The following RSRC1 variants were observed in gnomAD, a reference collection of about 807,000 sequenced individuals.
The protein encoded by RSRC1 is serine/Arginine-related protein 53.
RSRC1 carries 39 observed loss-of-function variants against 49.1 expected under a neutral mutation model. The observed-to-expected ratio is 0.79, with a 90% CI of 0.61 to 1.04. The LOEUF (loss-of-function observed/expected upper bound fraction) is 1.04. Among genes scored for constraint, RSRC1 ranks in the 50% least tolerant of loss-of-function variants. The pLI is 0.00. For missense variants in RSRC1, 388 were observed against 402.4 expected, an observed-to-expected ratio of 0.96 and a Z score of 0.31; for synonymous variants, 143 against 130.8, an observed-to-expected ratio of 1.09 and a Z score of -0.63.
chr3:158,543,555 C>A (rs1576618896), intron 9 of RSRC1, 68 bp downstream of exon 9: 2 of 1,481,320 alleles, frequency 1.4e-6, no homozygotes, highest in Non-Finnish European at 1.8e-6. Flanking sequence ...AATCTGTTAT[C>A]CTTTTGTGCT....
intron 3 of RSRC1, among the ~76,000 whole-genome samples, chr3:158,129,126 A>G (rs935383671): frequency 1.3e-5 from 2 of 148,850 alleles, no homozygotes; most frequent in African/African-American, 4.9e-5. Context: ...CATCTCCTCA[A>G]CCTTTCACTT....
At chr3:158,523,678 A>G (rs1711836043) in intron 7 of RSRC1, among the ~76,000 whole-genome samples, 1 of 151,996 alleles carries the variant, frequency 6.6e-6, no homozygotes, top group African/African-American at 2.4e-5. Flanking sequence ...ATTAGGAAAC[A>G]AAAAGAAGTC....
intron 7 of RSRC1, among the ~76,000 whole-genome samples, chr3:158,516,137 G>C (rs1413060721): frequency 6.6e-6 from 1 of 152,218 alleles, no homozygotes; most frequent in Non-Finnish European, 1.5e-5. Flanking sequence ...TCCATTGCTG[G>C]TGAGGAACTG....
intron 6 of RSRC1, among the ~76,000 whole-genome samples, chr3:158,446,088 G>T (rs1175361683): frequency 2.0e-5 from 3 of 151,956 alleles, no homozygotes; most frequent in Non-Finnish European, 4.4e-5. Context: ...CAACAAAATA[G>T]ATGATAAAAT....
chr3:158,387,656 C>T (rs1261390455), intron 6 of RSRC1, among the ~76,000 whole-genome samples: 1 of 152,028 alleles, frequency 6.6e-6, no homozygotes, highest in East Asian at 1.9e-4. Flanking sequence ...ACTGTAAATC[C>T]TTACAAGTAT....
chr3:158,253,501 C>G (rs751263584), intron 4 of RSRC1, among the ~76,000 whole-genome samples: 2 of 151,904 alleles, frequency 1.3e-5, no homozygotes, highest in Non-Finnish European at 2.9e-5. Flanking sequence ...TATGGTGTGT[C>G]CTTGAGATAA....
chr3:158,123,836 G>A (rs763941983), intron 2 of RSRC1, 30 bp from the exon 3 acceptor site: 6 of 1,577,806 alleles, frequency 3.8e-6, no homozygotes, highest in Non-Finnish European at 5.2e-6. Flanking sequence ...AATTTTTATA[G>A]CAGTGATCTT....
At chr3:158,465,611 C>T (rs1456523055) in intron 7 of RSRC1, among the ~76,000 whole-genome samples, 1 of 152,094 alleles carries the variant, frequency 6.6e-6, no homozygotes. Context: ...CCTTTCTAGC[C>T]CTCGTCCTGA....
intron 6 of RSRC1, among the ~76,000 whole-genome samples, chr3:158,417,123 A>G (rs1324679065): frequency 6.6e-6 from 1 of 152,060 alleles, no homozygotes; most frequent in Non-Finnish European, 1.5e-5. Flanking sequence ...CATCTATAAC[A>G]TATCACTAGT....
At chr3:158,171,942 G>T (rs1458276395) in intron 3 of RSRC1, among the ~76,000 whole-genome samples, 1 of 150,708 alleles carries the variant, frequency 6.6e-6, no homozygotes, top group Non-Finnish European at 1.5e-5. Flanking sequence ...ACAGAGCAAG[G>T]CTGTGTCGCT....
chr3:158,525,906 G>A (rs926700253), intron 7 of RSRC1, among the ~76,000 whole-genome samples: 2 of 151,928 alleles, frequency 1.3e-5, no homozygotes, highest in Non-Finnish European at 2.9e-5. Context: ...TGACTACAGA[G>A]AGACACAAGA....
chr3:158,110,273 T>G (rs1033240184), intron 1 of RSRC1, 50 bp downstream of exon 1: 2 of 152,372 alleles, frequency 1.3e-5, no homozygotes, highest in African/African-American at 4.8e-5. Flanking sequence ...GCTGCGGAGC[T>G]CCGAGGCCCT....
At chr3:158,366,944 T>C (rs1445896879) in intron 6 of RSRC1, among the ~76,000 whole-genome samples, 1 of 152,244 alleles carries the variant, frequency 6.6e-6, no homozygotes, top group Non-Finnish European at 1.5e-5. Flanking sequence ...TTTGACTCTC[T>C]GTCTGTTACT....
At chr3:158,410,215 G>C (rs991739359) in intron 6 of RSRC1, among the ~76,000 whole-genome samples, 8 of 152,090 alleles carry the variant, frequency 5.3e-5, no homozygotes, top group African/African-American at 1.9e-4. Flanking sequence ...TCCATGGTTT[G>C]CTCATGTCTA....
At chr3:158,146,447 G>A (rs1258316817) in intron 3 of RSRC1, among the ~76,000 whole-genome samples, 3 of 152,162 alleles carry the variant, frequency 2.0e-5, no homozygotes, top group African/African-American at 7.2e-5. Context: ...ATTTGCGTAT[G>A]TTGAACCAGC....
intron 7 of RSRC1, among the ~76,000 whole-genome samples, chr3:158,477,973 G>C (rs927029139): frequency 6.6e-6 from 1 of 150,736 alleles, no homozygotes; most frequent in Non-Finnish European, 1.5e-5. Flanking sequence ...GTTTGATGTT[G>C]TATCTGCTTG....
At chr3:158,198,220 G>T (rs987659676) in intron 3 of RSRC1, among the ~76,000 whole-genome samples, 6 of 152,102 alleles carry the variant, frequency 3.9e-5, no homozygotes, top group Non-Finnish European at 8.8e-5. Context: ...TCTTCTTGTT[G>T]AATTGATCCC....
intron 5 of RSRC1, among the ~76,000 whole-genome samples, chr3:158,348,854 T>C (rs1422051943): frequency 6.6e-6 from 1 of 152,198 alleles, no homozygotes; most frequent in Non-Finnish European, 1.5e-5. Flanking sequence ...GACTTTCTGC[T>C]TCTTAAGTGT....
At chr3:158,325,172 G>A (rs1338332341) in intron 5 of RSRC1, among the ~76,000 whole-genome samples, 1 of 152,150 alleles carries the variant, frequency 6.6e-6, no homozygotes, top group East Asian at 1.9e-4. Flanking sequence ...CTCCCATTCT[G>A]TAGGTTGCCT....
Sources: allele counts gnomAD v4.1 joint callset (sites outside exome capture counted in the v4.1 genomes callset), GRCh38; gene constraint gnomAD v4.1.1; transcripts MANE v1.5; gene names NCBI Gene and HGNC (gene_info 2026-07-23, HGNC 2026-07-21).